The following NALF1 variants were observed in gnomAD, a reference collection of about 807,000 sequenced individuals.
NALF1 encodes family with sequence similarity 155 member A.
A neutral mutation model predicts 48.4 loss-of-function variants in NALF1; 3 were observed. The observed-to-expected ratio is 0.06, with a 90% CI of 0.03 to 0.16. NALF1 has a LOEUF of 0.16. Ranked by LOEUF, NALF1 falls within the 10% of genes least tolerant of loss-of-function variation. The pLI is 1.00. For missense variants in NALF1, 526 were observed against 571.5 expected (o/e 0.92, Z 0.81); for synonymous variants, 262 against 245.7 (o/e 1.07, Z -0.62).
At chr13:107,249,778 G>A (rs1033380754) in intron 1 of NALF1, among the ~76,000 whole-genome samples, 2 of 151,902 alleles carry the variant, frequency 1.3e-5, no homozygotes, top group South Asian at 2.1e-4. Flanking sequence ...AAACATTTTT[G>A]TTCTATAAGA....
chr13:107,651,041 T>C (rs1329922432), intron 1 of NALF1, among the ~76,000 whole-genome samples: 3 of 152,064 alleles, frequency 2.0e-5, no homozygotes, highest in Non-Finnish European at 4.4e-5. Context: ...TTTACCTATG[T>C]AACAAACCTG....
At chr13:107,573,103 T>G (rs187165075) in intron 1 of NALF1, among the ~76,000 whole-genome samples, 2 of 152,254 alleles carry the variant, frequency 1.3e-5, no homozygotes, top group South Asian at 2.1e-4. Flanking sequence ...GTCTGCTTCC[T>G]GTCTGTGAAA....
At chr13:107,712,891 G>A (rs1213724674) in intron 1 of NALF1, among the ~76,000 whole-genome samples, 3 of 152,234 alleles carry the variant, frequency 2.0e-5, no homozygotes, top group South Asian at 2.1e-4. Context: ...AGCTGACTTC[G>A]CTAACCCACA....
intron 1 of NALF1, among the ~76,000 whole-genome samples, chr13:107,330,303 G>A (rs1882444828): frequency 6.6e-6 from 1 of 152,202 alleles, no homozygotes; most frequent in Admixed American, 6.5e-5. Context: ...AAAGAGAAAA[G>A]ATGCTGAGAA....
At chr13:107,777,673 C>A (rs9559153) in intron 1 of NALF1, among the ~76,000 whole-genome samples, 6 of 152,250 alleles carry the variant, frequency 3.9e-5, no homozygotes, top group African/African-American at 1.4e-4. Context: ...TTCCTCTACA[C>A]CCTGCAAAAC....
chr13:107,751,213 G>T (rs1876929022), intron 1 of NALF1, among the ~76,000 whole-genome samples: 1 of 152,166 alleles, frequency 6.6e-6, no homozygotes, highest in Non-Finnish European at 1.5e-5. Flanking sequence ...ATTATCGTAA[G>T]ACTCACAACA....
intron 1 of NALF1, among the ~76,000 whole-genome samples, chr13:107,501,751 C>A (rs987323127): frequency 2.0e-5 from 3 of 152,104 alleles, no homozygotes; most frequent in African/African-American, 7.2e-5. Flanking sequence ...TTCTACTCTG[C>A]AAAATATATG....
chr13:107,786,443 G>T (rs1460443433), intron 1 of NALF1, among the ~76,000 whole-genome samples: 1 of 72,872 alleles, frequency 1.4e-5, no homozygotes, highest in East Asian at 6.6e-4. Context: ...AAAAAAAAAA[G>T]CCGGGCGCGG....
chr13:107,733,334 T>G (rs1250680125), intron 1 of NALF1, among the ~76,000 whole-genome samples: 1 of 152,182 alleles, frequency 6.6e-6, no homozygotes, highest in African/African-American at 2.4e-5. Flanking sequence ...ATTTCTTCTC[T>G]GGACACTCCA....
At chr13:107,802,738 G>A (rs1457795932) in intron 1 of NALF1, among the ~76,000 whole-genome samples, 1 of 152,124 alleles carries the variant, frequency 6.6e-6, no homozygotes, top group Non-Finnish European at 1.5e-5. Flanking sequence ...ATGTTAGGGT[G>A]TAGAAGGATA....
intron 1 of NALF1, among the ~76,000 whole-genome samples, chr13:107,747,475 CCT>C (rs1211437658): frequency 6.6e-6 from 1 of 152,124 alleles, no homozygotes; most frequent in African/African-American, 2.4e-5. Flanking sequence ...GTCTTACCTC[CCT>C]CTGTCTCCCA....
chr13:107,690,935 A>G (rs961107229), intron 1 of NALF1, among the ~76,000 whole-genome samples: 1 of 152,228 alleles, frequency 6.6e-6, no homozygotes, highest in Admixed American at 6.5e-5. Flanking sequence ...ATCTGAGCCA[A>G]TGCAATTCAT....
intron 1 of NALF1, among the ~76,000 whole-genome samples, chr13:107,857,582 AGCAC>A (rs1880469574): frequency 6.6e-6 from 1 of 152,228 alleles, no homozygotes. Flanking sequence ...TCTAAAATGT[AGCAC>A]ATGTTAATCT....
intron 1 of NALF1, among the ~76,000 whole-genome samples, chr13:107,291,775 T>G (rs571001268): frequency 6.6e-6 from 1 of 152,268 alleles, no homozygotes; most frequent in African/African-American, 2.4e-5. Flanking sequence ...GAAAAACAGT[T>G]TTATGCTTTG....
chr13:107,205,462 C>G (rs1470543917), intron 2 of NALF1, among the ~76,000 whole-genome samples: 1 of 152,112 alleles, frequency 6.6e-6, no homozygotes, highest in African/African-American at 2.4e-5. Flanking sequence ...AGTGAACGTC[C>G]TTTCAGACTC....
intron 1 of NALF1, among the ~76,000 whole-genome samples, chr13:107,302,394 T>A (rs1402322235): frequency 2.0e-5 from 3 of 152,194 alleles, no homozygotes; most frequent in African/African-American, 7.2e-5. Flanking sequence ...AGGCCTCAAA[T>A]CTTAGAAGGA....
chr13:107,534,808 T>C (rs1876752696), intron 1 of NALF1, among the ~76,000 whole-genome samples: 1 of 152,114 alleles, frequency 6.6e-6, no homozygotes. Flanking sequence ...GCTTCTCCTC[T>C]GGATGGAAAG....
chr13:107,674,137 G>A (rs928767046), intron 1 of NALF1, among the ~76,000 whole-genome samples: 4 of 151,234 alleles, frequency 2.6e-5, no homozygotes, highest in Middle Eastern at 3.4e-3. Flanking sequence ...CTTAGCCCTA[G>A]TGTGATCAAT....
chr13:107,666,813 A>T (rs1226251154), intron 1 of NALF1, among the ~76,000 whole-genome samples: 1 of 152,072 alleles, frequency 6.6e-6, no homozygotes, highest in Non-Finnish European at 1.5e-5. Flanking sequence ...TCACGTTTTG[A>T]TCCAAGATTC....
Sources: gnomAD v4.1 joint callset for allele counts (sites outside exome capture counted in the v4.1 genomes callset) on GRCh38, gnomAD v4.1.1 for gene constraint, MANE v1.5 for transcripts, NCBI Gene and HGNC (gene_info 2026-07-23, HGNC 2026-07-21) for gene names.